Variants in ATRNL1 observed in about 807,000 individuals in gnomAD.
ATRNL1 encodes attractin-like protein 1.
In ATRNL1, 95 loss-of-function variants were observed where a neutral mutation model predicts 182.7. That is an observed-to-expected ratio of 0.52 (90% CI 0.44 to 0.62). The LOEUF is 0.62. ATRNL1 is among the 20% of genes least tolerant of loss of function. The pLI is 0.00. For synonymous variants in ATRNL1, 576 were observed against 568.3 expected (o/e 1.01, Z -0.19); for missense variants, 1,471 against 1,679.5 (o/e 0.88, Z 2.17).
At chr10:115,690,604 C>CAACCA (rs1555047814) in intron 26 of ATRNL1, among the ~76,000 whole-genome samples, 1 of 152,122 alleles carries the variant, frequency 6.6e-6, no homozygotes, top group Non-Finnish European at 1.5e-5. Flanking sequence ...TCTTTTGAAC[C>CAACCA]AACCAACACT....
intron 19 of ATRNL1, among the ~76,000 whole-genome samples, chr10:115,374,672 G>A (rs1052760185): frequency 1.3e-5 from 2 of 151,668 alleles, no homozygotes; most frequent in African/African-American, 2.4e-5. Flanking sequence ...ACTTTTGGTA[G>A]GTTGTGATTC....
intron 5 of ATRNL1, among the ~76,000 whole-genome samples, chr10:115,152,866 C>G (rs1264546678): frequency 2.0e-5 from 3 of 151,976 alleles, no homozygotes; most frequent in African/African-American, 4.8e-5. Flanking sequence ...ATAAATACCT[C>G]TTATTATTTT....
At chr10:115,368,953 A>T (rs1857232957) in intron 19 of ATRNL1, among the ~76,000 whole-genome samples, 1 of 152,048 alleles carries the variant, frequency 6.6e-6, no homozygotes, top group African/African-American at 2.4e-5. Context: ...ACCTCAGGTG[A>T]TCTGCCTGCC....
intron 6 of ATRNL1, among the ~76,000 whole-genome samples, chr10:115,160,565 A>G (rs1166699108): frequency 6.6e-6 from 1 of 151,852 alleles, no homozygotes; most frequent in Non-Finnish European, 1.5e-5. Context: ...CATATATAAA[A>G]ATCCTCTCAA....
chr10:115,207,513 T>C (rs1399729240), intron 8 of ATRNL1, among the ~76,000 whole-genome samples: 2 of 152,100 alleles, frequency 1.3e-5, no homozygotes, highest in African/African-American at 4.8e-5. Flanking sequence ...GGAATTTTGT[T>C]GTCATCTCCT....
intron 20 of ATRNL1, among the ~76,000 whole-genome samples, chr10:115,405,154 A>T (rs573920785): frequency 1.1e-4 from 17 of 152,342 alleles, no homozygotes; most frequent in African/African-American, 4.1e-4. Flanking sequence ...TCAGTCTTCT[A>T]TATATTTATT....
intron 27 of ATRNL1, among the ~76,000 whole-genome samples, chr10:115,825,520 AC>A (rs1950410490): frequency 6.6e-6 from 1 of 151,778 alleles, no homozygotes; most frequent in Non-Finnish European, 1.5e-5. Context: ...CTGATCTGCC[AC>A]CCCCACCCCC....
chr10:115,609,855 G>A (rs1857064041), intron 26 of ATRNL1, among the ~76,000 whole-genome samples: 1 of 152,120 alleles, frequency 6.6e-6, no homozygotes, highest in Non-Finnish European at 1.5e-5. Flanking sequence ...AGTGGAAGGA[G>A]GATAGATTTG....
At chr10:115,518,989 T>A (rs1850777017) in intron 24 of ATRNL1, among the ~76,000 whole-genome samples, 1 of 151,970 alleles carries the variant, frequency 6.6e-6, no homozygotes, top group Non-Finnish European at 1.5e-5. Flanking sequence ...TCTGTCATAG[T>A]ATTTCACATG....
intron 25 of ATRNL1, among the ~76,000 whole-genome samples, chr10:115,526,725 G>C (rs782131843): frequency 2.0e-5 from 3 of 152,140 alleles, no homozygotes; most frequent in Non-Finnish European, 4.4e-5. Context: ...GATGGGATTA[G>C]ATAAGCAATA....
intron 19 of ATRNL1, among the ~76,000 whole-genome samples, chr10:115,385,173 T>A (rs1408486303): frequency 6.6e-6 from 1 of 152,100 alleles, no homozygotes; most frequent in Non-Finnish European, 1.5e-5. Context: ...TGTCAGAAAT[T>A]TATGAGGATT....
rs944227789 is a variant in ATRNL1, at chr10:115,815,159, A to G, written c.3904-32718A>G. ...TATGAAATGCATAGTTTATTTCTATACTTATTTCAGGCTTAACTTATTCTC... is the reference window on the plus strand; with the variant it reads ...TATGAAATGCATAGTTTATTTCTATGCTTATTTCAGGCTTAACTTATTCTC... On this transcript the variant is annotated intron_variant, in intron 27 of 28. Coordinates refer to ENST00000355044, the MANE Select transcript of ATRNL1 (RefSeq NM_207303.4). 3.9e-5 allele frequency among the ~76,000 whole-genome samples: 6 copies of G among 152,156 alleles called. No individual in the cohort carries two copies. The South Asian group carries it at 1.2e-3, about 31-fold the overall frequency.
At chr10:115,887,155 G>T (rs186543475) in intron 28 of ATRNL1, among the ~76,000 whole-genome samples, 1 of 152,234 alleles carries the variant, frequency 6.6e-6, no homozygotes, top group Admixed American at 6.5e-5. Flanking sequence ...TAGGTGATAC[G>T]ATTGCATATT....
intron 25 of ATRNL1, among the ~76,000 whole-genome samples, chr10:115,524,268 C>A (rs1386028345): frequency 1.3e-5 from 2 of 152,152 alleles, no homozygotes; most frequent in African/African-American, 2.4e-5. Flanking sequence ...TTTGGAGGAT[C>A]AAATATCCAA....
intron 26 of ATRNL1, among the ~76,000 whole-genome samples, chr10:115,625,176 A>T (rs988136571): frequency 5.3e-5 from 8 of 152,192 alleles, no homozygotes; most frequent in Admixed American, 2.6e-4. Flanking sequence ...GCCTTTAATA[A>T]GGAAAATATA....
At chr10:115,890,491 T>C (rs374221636) in intron 28 of ATRNL1, among the ~76,000 whole-genome samples, 2 of 152,244 alleles carry the variant, frequency 1.3e-5, no homozygotes, top group African/African-American at 4.8e-5. Flanking sequence ...ACAGTCCCTA[T>C]AAAATATGAT....
chr10:115,447,290 TA>T (rs1847048484), intron 21 of ATRNL1, among the ~76,000 whole-genome samples: 2 of 151,936 alleles, frequency 1.3e-5, no homozygotes, highest in Non-Finnish European at 3.0e-5. Flanking sequence ...TTGGATTTTT[TA>T]AAAAGAAAGT....
chr10:115,616,135 T>A (rs1027027158), intron 26 of ATRNL1, among the ~76,000 whole-genome samples: 41 of 152,168 alleles, frequency 2.7e-4, no homozygotes, highest in Non-Finnish European at 4.4e-5. Flanking sequence ...AATGAGAAAC[T>A]CATTGAGAAC....
chr10:115,250,499 A>G (rs1187108868), intron 10 of ATRNL1, among the ~76,000 whole-genome samples: 1 of 152,154 alleles, frequency 6.6e-6, no homozygotes, highest in Non-Finnish European at 1.5e-5. Context: ...TGCAGGGTAG[A>G]CTTCACTGAC....
Sources: allele counts gnomAD v4.1 joint callset (sites outside exome capture counted in the v4.1 genomes callset), GRCh38; gene constraint gnomAD v4.1.1; transcripts MANE v1.5; gene names NCBI Gene and HGNC (gene_info 2026-07-23, HGNC 2026-07-21).